The following ENDOD1 variants were observed in gnomAD, a reference collection of about 807,000 sequenced individuals.
ENDOD1 encodes endonuclease domain containing 1.
ENDOD1 carries 9 observed loss-of-function variants against 6.5 expected under a neutral mutation model. The observed-to-expected ratio is 1.39, with a 90% confidence interval of 0.84 to 2.43. The LOEUF (loss-of-function observed/expected upper bound fraction) is 2.43, where lower values mean the gene tolerates loss of function less well. Among genes scored for constraint, ENDOD1 ranks in the 30% most tolerant of loss-of-function variants. ENDOD1 has a pLI of 0.00. For missense variants in ENDOD1, 648 were observed against 635.5 expected, an observed-to-expected ratio of 1.02 and a Z score of -0.21; for synonymous variants, 255 against 255.2, an observed-to-expected ratio of 1.00 and a Z score of 0.01.
At chr11:95,122,086 A>G (rs1398520214) in intron 1 of ENDOD1, among the ~76,000 whole-genome samples, 1 of 152,224 alleles carries the variant, frequency 6.6e-6, no homozygotes, top group Admixed American at 6.5e-5. Context: ...GTAATTTACT[A>G]TAATTGCAAT....
intron 1 of ENDOD1, among the ~76,000 whole-genome samples, chr11:95,104,124 C>T (rs1490728730): frequency 1.3e-5 from 2 of 152,152 alleles, no homozygotes; most frequent in South Asian, 4.1e-4. Context: ...GGGTTGCCCC[C>T]TCTGATCTGC....
At chr11:95,091,135 A>C (rs1392307630) in intron 1 of ENDOD1, among the ~76,000 whole-genome samples, 3 of 152,036 alleles carry the variant, frequency 2.0e-5, no homozygotes, top group African/African-American at 7.3e-5. Flanking sequence ...ACCTCTCCTC[A>C]GTTGGCCTCC....
intron 1 of ENDOD1, among the ~76,000 whole-genome samples, chr11:95,107,448 AG>A (rs1398567583): frequency 6.6e-6 from 1 of 152,178 alleles, no homozygotes; most frequent in African/African-American, 2.4e-5. Context: ...TGAACTCAGA[AG>A]GTGGAAAAAA....
rs10660230 is a variant in ENDOD1, at chr11:95,096,227, C to CTTTTTTTTT, written c.300+6017_300+6025dup. Among the ~76,000 whole-genome samples, 21 of 49,966 alleles carry CTTTTTTTTT rather than the reference C, an allele frequency of 4.2e-4. 4 individuals are homozygous for CTTTTTTTTT. Among genetic ancestry groups the CTTTTTTTTT allele is most frequent in the African/African-American group, 1.3e-3 (16 of 12,024 alleles). The allele number at this position is 49,966 out of a possible 152,430, so 32.8% of individuals were successfully genotyped here. ...CTAGAATTACTGTTAGTCAAGAAAG[C>CTTTTTTTTT]TTTTTTTTTTTTTTTTTTTTTTTTT... On this transcript the variant is annotated intron_variant, in intron 1 of 1. Transcript: ENST00000278505.
rs570995683 is a variant in ENDOD1 at position 95,110,049 on chromosome 11, C to T, written c.301-18328C>T. Among the ~76,000 whole-genome samples, 19 of 152,362 alleles carry T rather than the reference C, an allele frequency of 1.2e-4. No homozygotes were observed. In the East Asian group the frequency reaches 3.5e-3, roughly 28 times the overall value. On this transcript the variant is annotated intron_variant, in intron 1 of 1. Coordinates refer to ENST00000278505, the MANE Select transcript of ENDOD1 (RefSeq NM_015036.3). ...AGCAGAGCTGCCCTGCCCCACTTGT[C>T]CTGGCTGACATCCATGGGGCCTTTC...
At chr11:95,096,826 G>A (rs1858990172) in intron 1 of ENDOD1, among the ~76,000 whole-genome samples, 1 of 152,084 alleles carries the variant, frequency 6.6e-6, no homozygotes, top group Non-Finnish European at 1.5e-5. Flanking sequence ...TACTCTCATA[G>A]GGTTTATATC....
In ENDOD1 at chr11:95,090,205, A is replaced by T. The variant is rs782399805; in HGVS notation, c.278A>T (p.Gln93Leu). Residue 93 changes from glutamine (Q) to leucine (L), a missense_variant, in exon 1 of 2, where the codon CAG becomes CTG. Physicochemically the swap from Gln to Leu is moderately radical, Grantham distance 113 (BLOSUM62 -2). Coordinates refer to ENST00000278505, the MANE Select transcript of ENDOD1 (RefSeq NM_015036.3). ...APRPAPGGAEQRWLVEPQIDD... is the reference protein window; with the variant it reads ...APRPAPGGAELRWLVEPQIDD... ...CGCCCTGCGCCCGGCGGCGCCGAGC[A>T]GCGATGGCTGGTGGAGCCGCAGGTA... 1.1e-5 allele frequency: 15 copies of T among 1,405,120 alleles called. No individual in the cohort carries two copies. The highest frequency in any genetic ancestry group is 1.2e-5 in the Non-Finnish European group (13 of 1,065,962). 87.0% of individuals were successfully genotyped at this position (1,405,120 alleles called of 1,614,324 possible).
intron 1 of ENDOD1, among the ~76,000 whole-genome samples, chr11:95,122,623 C>CACAG (rs906564973): frequency 7.3e-5 from 11 of 150,880 alleles, no homozygotes; most frequent in African/African-American, 2.2e-4. Flanking sequence ...CACACACACA[C>CACAG]AGACACTTTA....
rs782747375 is a variant in ENDOD1, at chr11:95,090,061, C to T, written c.134C>T (p.Ala45Val). ...TTCTTCTACGCCGGGACCCCGCCTG[C>T]GGGGCTGGCGGCCGATTCCCACGTG... Reference protein sequence around the residue: ...DKFFYAGTPPAGLAADSHVKI... With the variant: ...DKFFYAGTPPVGLAADSHVKI... Residue 45 changes from alanine to valine, a missense_variant, in exon 1 of 2, where the codon GCG (alanine) becomes GTG (valine). Coordinates refer to ENST00000278505, the MANE Select transcript of ENDOD1 (RefSeq NM_015036.3). 1.1e-5 allele frequency: 18 copies of T among 1,602,322 alleles called. No homozygotes were observed. In the South Asian group the frequency reaches 1.9e-4, roughly 17 times the overall value.
In ENDOD1 at chr11:95,105,507, C is replaced by T. The variant is rs574789959; in HGVS notation, c.300+15280C>T. 1.9e-4 allele frequency among the ~76,000 whole-genome samples: 29 copies of T among 152,126 alleles called. 1 individual carries two copies. The South Asian group carries it at 5.8e-3, about 31-fold the overall frequency. On this transcript the variant is annotated intron_variant, in intron 1 of 1. Transcript: ENST00000278505. ...AGGTAAATGTGTGCCATGTGGTTTGCGGTGCCTAACAGCCCATCACCTAGG... is the reference window on the plus strand; with the variant it reads ...AGGTAAATGTGTGCCATGTGGTTTGTGGTGCCTAACAGCCCATCACCTAGG...
intron 1 of ENDOD1, among the ~76,000 whole-genome samples, chr11:95,115,124 C>T (rs911983281): frequency 3.3e-5 from 5 of 152,044 alleles, no homozygotes; most frequent in African/African-American, 7.2e-5. Flanking sequence ...TCTATGAACA[C>T]GGAATATTTT....
rs775889885 is a variant in ENDOD1, at chr11:95,129,256, T to G, written c.1180T>G (p.Leu394Val). 44 of 1,613,622 alleles carry G rather than the reference T, an allele frequency of 2.7e-5. 1 individual carries two copies. In the South Asian group the frequency reaches 4.2e-4, roughly 15 times the overall value. ...ISYFMAIGEE[L>V]VSIPWKVLKV... The stretch of plus-strand genomic sequence containing the variant: ...ATACTTCATGGCCATTGGGGAAGAG[T>G]TGGTGAGCATTCCCTGGAAGGTGCT... The change falls in exon 2 of 2, where the codon TTG (leucine) becomes GTG (valine). Residue 394 changes from leucine (L) to valine (V), a missense_variant. Physicochemically the swap from Leu to Val is conservative, Grantham distance 32 (BLOSUM62 1). Transcript: ENST00000278505.
At position 95,129,020 on chromosome 11, in the gene ENDOD1, T is replaced by C. The variant is rs1859341976; in HGVS notation, c.944T>C (p.Leu315Pro). Residue 315 changes from leucine to proline, a missense_variant, in exon 2 of 2, where the codon CTG becomes CCG. Leu to Pro is a moderately conservative substitution (Grantham distance 98, BLOSUM62 -3). Transcript: ENST00000278505. ...LSSTRSKRST[L>P]LPPEASEGSS... Reference sequence around the variant, plus strand: ...AGCACCAGGAGCAAGAGGTCTACTCTGTTGCCTCCAGAGGCATCTGAGGGA... The same window carrying C: ...AGCACCAGGAGCAAGAGGTCTACTCCGTTGCCTCCAGAGGCATCTGAGGGA... 6 of 1,613,968 alleles carry C rather than the reference T, an allele frequency of 3.7e-6. No homozygotes were observed. The South Asian group carries it at 5.5e-5, about 15-fold the overall frequency.
intron 1 of ENDOD1, among the ~76,000 whole-genome samples, chr11:95,103,970 C>T (rs1273466337): frequency 2.6e-5 from 4 of 152,194 alleles, no homozygotes; most frequent in Non-Finnish European, 4.4e-5. Flanking sequence ...CAGTGCCCTT[C>T]GTTTCACACC....
intron 1 of ENDOD1, among the ~76,000 whole-genome samples, chr11:95,108,303 C>T (rs1238029233): frequency 6.6e-6 from 1 of 152,132 alleles, no homozygotes; most frequent in Non-Finnish European, 1.5e-5. Context: ...CACAGTTTGC[C>T]AACACCTACG....
Position 95,129,186 on chromosome 11 carries a change from T to G in ENDOD1, c.1110T>G (p.Asn370Lys), listed in dbSNP as rs368980264. 6.2e-7 allele frequency: 1 copy of G among 1,614,076 alleles called. No individual in the cohort carries two copies. Among genetic ancestry groups the G allele is most frequent in the African/African-American group, 1.3e-5 (1 of 74,918 alleles). The stretch of plus-strand genomic sequence containing the variant: ...GGTGTGTTACCAAGCAGGTGATTAA[T>G]GGCATAGAAAGTTGCCTTTACCGCC... Reference protein sequence around the residue: ...FLWCVTKQVINGIESCLYRLG... With the variant: ...FLWCVTKQVIKGIESCLYRLG... Residue 370 changes from asparagine (N) to lysine (K), a missense_variant, in exon 2 of 2, where the codon AAT becomes AAG. Asn to Lys is a moderately conservative substitution (Grantham distance 94). Transcript: ENST00000278505.
At chr11:95,127,443 C>T (rs1346404968) in intron 1 of ENDOD1, among the ~76,000 whole-genome samples, 1 of 152,194 alleles carries the variant, frequency 6.6e-6, no homozygotes, top group East Asian at 1.9e-4. Flanking sequence ...TAAGTTCAAA[C>T]AGCAACTGGT....
intron 1 of ENDOD1, among the ~76,000 whole-genome samples, chr11:95,121,020 C>T (rs1859258151): frequency 6.6e-6 from 1 of 152,174 alleles, no homozygotes. Context: ...TTACCCTCTG[C>T]ATAGAATGCC....
chr11:95,090,610 T>C (rs1858921107), intron 1 of ENDOD1, among the ~76,000 whole-genome samples: 1 of 152,190 alleles, frequency 6.6e-6, no homozygotes, highest in Non-Finnish European at 1.5e-5. Flanking sequence ...GGCTGGGCGC[T>C]CACAGGCCTT....
Sources: gnomAD v4.1 joint callset for allele counts (sites outside exome capture counted in the v4.1 genomes callset) on GRCh38, gnomAD v4.1.1 for gene constraint, MANE v1.5 for transcripts, NCBI Gene and HGNC (gene_info 2026-07-23, HGNC 2026-07-21) for gene names.